ZC2HC1B: variants seen among roughly 807,000 people sequenced by gnomAD.
The protein encoded by ZC2HC1B is zinc finger C2HC domain-containing protein 1B.
A neutral mutation model predicts 31.0 loss-of-function variants in ZC2HC1B; 36 were observed. The ratio of observed to expected loss-of-function variants is 1.16; its 90% CI spans 0.89 to 1.54. The LOEUF (loss-of-function observed/expected upper bound fraction) is 1.54. ZC2HC1B is among the 40% of genes most tolerant of loss of function. ZC2HC1B has a pLI of 0.00. For missense variants in ZC2HC1B, 260 were observed against 268.6 expected (o/e 0.97, Z 0.22); for synonymous variants, 73 against 88.0 (o/e 0.83, Z 0.95).
chr6:143,890,261 G>A (rs1777583586), intron 4 of ZC2HC1B, among the ~76,000 whole-genome samples: 1 of 151,822 alleles, frequency 6.6e-6, no homozygotes, highest in Non-Finnish European at 1.5e-5. Flanking sequence ...GAGCAAATGA[G>A]ACCTAAATTA....
In ZC2HC1B at chr6:143,878,704, C is replaced by T. The variant is rs548453273; in HGVS notation, c.29-5600C>T. On this transcript the variant is annotated intron_variant, in intron 1 of 7. Coordinates refer to ENST00000237275, the MANE Select transcript of ZC2HC1B (RefSeq NM_001013623.3). ...CATAAAACAAGGTTTTGTATTGATC[C>T]ATTAACAAAAATGTTGTGACCAGAG... 8.8e-5 allele frequency among the ~76,000 whole-genome samples: 12 copies of T among 137,066 alleles called. 1 individual carries two copies. In the South Asian group the frequency reaches 2.8e-3, roughly 32 times the overall value. The allele number at this position is 137,066 out of a possible 152,430, so 89.9% of individuals were successfully genotyped here.
At chr6:143,906,602 C>T (rs893680337) in intron 6 of ZC2HC1B, among the ~76,000 whole-genome samples, 2 of 152,054 alleles carry the variant, frequency 1.3e-5, no homozygotes, top group African/African-American at 4.8e-5. Flanking sequence ...CACCACCACA[C>T]CTGGCTAATT....
chr6:143,904,904 T>C (rs1439520248), intron 6 of ZC2HC1B, among the ~76,000 whole-genome samples: 1 of 152,234 alleles, frequency 6.6e-6, no homozygotes, highest in African/African-American at 2.4e-5. Flanking sequence ...AGGGTTTATT[T>C]CTGGACTCTA....
chr6:143,927,407 TG>T (rs1212764020), intron 6 of ZC2HC1B, among the ~76,000 whole-genome samples: 1 of 152,204 alleles, frequency 6.6e-6, no homozygotes, highest in Non-Finnish European at 1.5e-5. Flanking sequence ...TGCAGTATTT[TG>T]CTTTCTGTTT....
rs1383769981 is a variant in ZC2HC1B, at chr6:143,871,812, A to G, written c.28+7245A>G. ...CCTCACCCGACCAATCAGGGAGCCA[A>G]TGTGGGGGTTCTGCCAGCTGCTAAG... is the stretch of plus-strand genomic sequence containing the variant. On this transcript the variant is annotated intron_variant, in intron 1 of 7. Transcript: ENST00000237275. The surrounding 1 kb of genome is among the most constrained non-coding windows in gnomAD (Gnocchi z 4.1). 1.3e-5 allele frequency among the ~76,000 whole-genome samples: 2 copies of G among 152,118 alleles called. No homozygotes were observed. The highest frequency in any genetic ancestry group is 4.8e-5 in the African/African-American group (2 of 41,424).
chr6:143,925,921 A>C (rs1053959152), intron 6 of ZC2HC1B, among the ~76,000 whole-genome samples: 2 of 152,116 alleles, frequency 1.3e-5, no homozygotes, highest in Non-Finnish European at 2.9e-5. Flanking sequence ...AGTTCTTTAT[A>C]AGTCTCTGAT....
Position 143,883,106 on chromosome 6 carries a change from C to T in ZC2HC1B, c.29-1198C>T, listed in dbSNP as rs1366607008. 2.6e-5 allele frequency among the ~76,000 whole-genome samples: 4 copies of T among 152,246 alleles called. No homozygotes were observed. The East Asian group carries it at 5.8e-4, about 22-fold the overall frequency. On this transcript the variant is annotated intron_variant, in intron 1 of 7. Transcript: ENST00000237275. The surrounding 1 kb of genome is among the most constrained non-coding windows in gnomAD (Gnocchi z 4.1). The stretch of plus-strand genomic sequence containing the variant: ...CCAGGCTGGAGTGCAGTGTTATGAT[C>T]ATGGCTCACTGCAACTTCTGCCTCC...
chr6:143,875,467 T>A (rs1777394649), intron 1 of ZC2HC1B, among the ~76,000 whole-genome samples: 1 of 150,632 alleles, frequency 6.6e-6, no homozygotes, highest in South Asian at 2.2e-4. Flanking sequence ...TATTAGAATT[T>A]TTTTTAACTC....
intron 4 of ZC2HC1B, among the ~76,000 whole-genome samples, chr6:143,896,546 G>T: frequency 6.6e-6 from 1 of 152,138 alleles, no homozygotes; most frequent in East Asian, 1.9e-4. Context: ...CTTCTATTTG[G>T]TAGTTGGAAA....
rs995181563 is a variant in ZC2HC1B at position 143,886,678 on chromosome 6, TAC to T, written c.211-3_211-2del. 2 of 1,523,340 alleles carry T rather than the reference TAC, an allele frequency of 1.3e-6. No individual in the cohort carries two copies. The highest frequency in any genetic ancestry group is 8.8e-7 in the Non-Finnish European group (1 of 1,136,170). 94.4% of individuals were successfully genotyped at this position (1,523,340 alleles called of 1,614,324 possible). A position where few individuals can be genotyped will look rare whatever the true frequency, so the allele number is the denominator to read the frequency against. Reference sequence around the variant, plus strand: ...GGTATTATTTGTTGGTTTTATTTTTTACAGTCTCCACCTGTGAGGAAGTCTAA... The same window carrying T: ...GGTATTATTTGTTGGTTTTATTTTTTAGTCTCCACCTGTGAGGAAGTCTAA... On this transcript the variant is annotated splice_region_variant and splice_polypyrimidine_tract_variant and intron_variant, in intron 3 of 7. Coordinates refer to ENST00000237275, the MANE Select transcript of ZC2HC1B (RefSeq NM_001013623.3). This position sits in a 1 kb window ranked among gnomAD's most constrained non-coding sequence, Gnocchi z 4.2.
intron 1 of ZC2HC1B, among the ~76,000 whole-genome samples, chr6:143,867,573 A>T (rs1257736604): frequency 6.6e-6 from 1 of 152,230 alleles, no homozygotes; most frequent in African/African-American, 2.4e-5. Flanking sequence ...ACCTCTCAAG[A>T]TCAATGCAGA....
rs1169573268 is a variant in ZC2HC1B at position 143,872,608 on chromosome 6, A to G, written c.28+8041A>G. Reference sequence around the variant, plus strand: ...AAGACATACCTGAGACTGGGAAGAAAAAGAGGTTTAATCAGACTTACAGTT... The same window carrying G: ...AAGACATACCTGAGACTGGGAAGAAGAAGAGGTTTAATCAGACTTACAGTT... On this transcript the variant is annotated intron_variant, in intron 1 of 7. Coordinates refer to ENST00000237275, the MANE Select transcript of ZC2HC1B (RefSeq NM_001013623.3). This position sits in a 1 kb window ranked among gnomAD's most constrained non-coding sequence, Gnocchi z 5.5. 6.6e-6 allele frequency among the ~76,000 whole-genome samples: 1 copy of G among 152,194 alleles called. No homozygotes were observed. Among genetic ancestry groups the G allele is most frequent in the African/African-American group, 2.4e-5 (1 of 41,438 alleles).
rs1213102459 is a variant in ZC2HC1B at position 143,913,858 on chromosome 6, A to G, written c.598+10706A>G. On this transcript the variant is annotated intron_variant, in intron 6 of 7. Coordinates refer to ENST00000237275, the MANE Select transcript of ZC2HC1B (RefSeq NM_001013623.3). This position sits in a 1 kb window ranked among gnomAD's most constrained non-coding sequence, Gnocchi z 5.7. ...CCCTACTTTTCTTCATTCTCCGTGT[A>G]TTGAGTTGTTTCCCTAATCAGTCCC... 2.6e-5 allele frequency among the ~76,000 whole-genome samples: 4 copies of G among 152,042 alleles called. No individual in the cohort carries two copies. Among genetic ancestry groups the G allele is most frequent in the African/African-American group, 9.7e-5 (4 of 41,382 alleles).
Position 143,913,633 on chromosome 6 carries a change from T to A in ZC2HC1B, c.598+10481T>A, listed in dbSNP as rs1313058541. ...TCTGTGTGTGCCTGAGCAGTTGCTCTGCCAAGACTCTACCCAGTTCTATGT... is the reference window on the plus strand; with the variant it reads ...TCTGTGTGTGCCTGAGCAGTTGCTCAGCCAAGACTCTACCCAGTTCTATGT... On this transcript the variant is annotated intron_variant, in intron 6 of 7. Transcript: ENST00000237275. This position sits in a 1 kb window ranked among gnomAD's most constrained non-coding sequence, Gnocchi z 5.7. Among the ~76,000 whole-genome samples, 1 of 152,228 alleles carries A rather than the reference T, an allele frequency of 6.6e-6. No homozygotes were observed. The highest frequency in any genetic ancestry group is 1.5e-5 in the Non-Finnish European group (1 of 68,034).
chr6:143,875,772 C>T (rs1019321788), intron 1 of ZC2HC1B, among the ~76,000 whole-genome samples: 8 of 150,630 alleles, frequency 5.3e-5, no homozygotes, highest in Admixed American at 5.3e-4. Flanking sequence ...TCAACATTAT[C>T]TTGCCTGGCA....
chr6:143,869,257 A>G lies in ZC2HC1B; in HGVS notation c.28+4690A>G, dbSNP rs1343460214. 6.6e-6 allele frequency among the ~76,000 whole-genome samples: 1 copy of G among 152,018 alleles called. No homozygotes were observed. The highest frequency in any genetic ancestry group is 1.5e-5 in the Non-Finnish European group (1 of 68,002). On this transcript the variant is annotated intron_variant, in intron 1 of 7. Transcript: ENST00000237275. The surrounding 1 kb of genome is among the most constrained non-coding windows in gnomAD (Gnocchi z 5.2). ...AATAGATCTCCTGTATTCCATGCCT[A>G]CTCTTCCTTACCTCTGTTGTGGAGT... is the stretch of plus-strand genomic sequence containing the variant.
In ZC2HC1B at chr6:143,879,657, C is replaced by A. The variant is rs192496583; in HGVS notation, c.29-4647C>A. 2.6e-5 allele frequency among the ~76,000 whole-genome samples: 4 copies of A among 152,154 alleles called. No homozygotes were observed. The East Asian group carries it at 7.7e-4, about 29-fold the overall frequency. On this transcript the variant is annotated intron_variant, in intron 1 of 7. Transcript: ENST00000237275. ...TGCTCCTTTAAGAAAATGTGAATAG[C>A]TTAGTTCTCTACAAAGCATTCTTAA...
chr6:143,880,263 T>G (rs1006756632), intron 1 of ZC2HC1B, among the ~76,000 whole-genome samples: 3 of 152,208 alleles, frequency 2.0e-5, no homozygotes, highest in Non-Finnish European at 4.4e-5. Flanking sequence ...CCAAGTATGA[T>G]TCCAGATAGA....
intron 6 of ZC2HC1B, among the ~76,000 whole-genome samples, chr6:143,932,934 C>T (rs1258302308): frequency 6.6e-6 from 1 of 152,168 alleles, no homozygotes. Context: ...AGCCACTCAG[C>T]AGGGCTACCA....
Sources: gnomAD v4.1 joint callset for allele counts (sites outside exome capture counted in the v4.1 genomes callset) on GRCh38, gnomAD v4.1.1 for gene constraint, Gnocchi (gnomAD v3.1) non-coding constraint, MANE v1.5 for transcripts, NCBI Gene and HGNC (gene_info 2026-07-23, HGNC 2026-07-21) for gene names.